OR1L8: variants seen among roughly 807,000 people sequenced by gnomAD.
The protein encoded by OR1L8 is olfactory receptor family 1 subfamily L member 8.
For missense variants in OR1L8, 330 were observed against 377.4 expected (o/e 0.87, Z 1.04); for synonymous variants, 148 against 147.0 (o/e 1.01, Z -0.05).
intron 3 of OR1L8, among the ~76,000 whole-genome samples, chr9:122,573,756 A>G (rs1360049678): frequency 6.6e-6 from 1 of 152,156 alleles, no homozygotes; most frequent in Admixed American, 6.5e-5. Flanking sequence ...AATGAAGTCC[A>G]GCTTATGAAT....
At chr9:122,554,561 T>G in the OR1L8 span, among the ~76,000 whole-genome samples, 1 of 152,206 alleles carries the variant, frequency 6.6e-6, no homozygotes, top group South Asian at 2.1e-4. Flanking sequence ...ATGTTCCTCA[T>G]TATTCCTTAC....
At chr9:122,561,877 T>C in the OR1L8 span, among the ~76,000 whole-genome samples, 4 of 152,186 alleles carry the variant, frequency 2.6e-5, no homozygotes, top group African/African-American at 7.2e-5. Context: ...GGAGGGGGTA[T>C]GCTGTGCTGG....
chr9:122,566,353 T>TAAAG (rs1829426062), downstream of OR1L8, among the ~76,000 whole-genome samples: 1 of 152,208 alleles, frequency 6.6e-6, no homozygotes, highest in Non-Finnish European at 1.5e-5. Context: ...CAACTGTGTA[T>TAAAG]AAAGATGAGG....
chr9:122,567,449 G>C lies in OR1L8; in HGVS notation c.*99C>G. The stretch of plus-strand genomic sequence containing the variant: ...TAGCCTTGTCTCACATGGGTCAGAA[G>C]TGCTAGCTTCCAACAGCTTTGACTG... On this transcript the variant is annotated 3_prime_UTR_variant, in exon 5 of 5. Coordinates refer to ENST00000641027, the MANE Select transcript of OR1L8 (RefSeq NM_001004454.2). 1 of 874,132 alleles carries C rather than the reference G, an allele frequency of 1.1e-6. No homozygotes were observed. Among genetic ancestry groups the C allele is most frequent in the Non-Finnish European group, 1.8e-6 (1 of 561,370 alleles). 54.1% of individuals were successfully genotyped at this position (874,132 alleles called of 1,614,324 possible). A position where few individuals can be genotyped will look rare whatever the true frequency, so the allele number is the denominator to read the frequency against.
At chr9:122,574,285 C>G (rs79690868) in intron 3 of OR1L8, among the ~76,000 whole-genome samples, 1 of 152,070 alleles carries the variant, frequency 6.6e-6, no homozygotes, top group East Asian at 1.9e-4. Context: ...AATTTATACA[C>G]CGAATTCAGG....
the OR1L8 span, among the ~76,000 whole-genome samples, chr9:122,557,421 G>A: frequency 1.3e-5 from 2 of 151,934 alleles, no homozygotes; most frequent in African/African-American, 4.8e-5. Flanking sequence ...TCATAAATGA[G>A]TGTTGGATTT....
downstream of OR1L8, among the ~76,000 whole-genome samples, chr9:122,566,696 C>A (rs1829431727): frequency 6.6e-6 from 1 of 152,138 alleles, no homozygotes; most frequent in African/African-American, 2.4e-5. Flanking sequence ...ATACATATAT[C>A]TCACAATATT....
chr9:122,580,161 TCTG>T (rs937789991), intron 1 of OR1L8, among the ~76,000 whole-genome samples: 9 of 151,798 alleles, frequency 5.9e-5, no homozygotes, highest in African/African-American at 2.2e-4. Flanking sequence ...ACAATGAAAA[TCTG>T]CTGCAGAAAA....
chr9:122,577,824 C>A (rs1056165774), intron 2 of OR1L8, among the ~76,000 whole-genome samples: 3 of 152,124 alleles, frequency 2.0e-5, no homozygotes, highest in African/African-American at 7.2e-5. Context: ...TTACATTAAG[C>A]CATGTACATT....
At chr9:122,551,331 T>G in the OR1L8 span, among the ~76,000 whole-genome samples, 5 of 152,184 alleles carry the variant, frequency 3.3e-5, no homozygotes, top group Admixed American at 1.3e-4. Context: ...ACAGTAGATA[T>G]AAGTAGCTTT....
At chr9:122,560,778 C>T in the OR1L8 span, among the ~76,000 whole-genome samples, 1 of 152,096 alleles carries the variant, frequency 6.6e-6, no homozygotes, top group Non-Finnish European at 1.5e-5. Context: ...TTCATTTCGA[C>T]CTTGGAGAAT....
At chr9:122,578,042 GTAAATTAGTACAACCAC>G (rs1829687132) in intron 2 of OR1L8, among the ~76,000 whole-genome samples, 2 of 152,182 alleles carry the variant, frequency 1.3e-5, no homozygotes, top group South Asian at 4.1e-4. Context: ...TGGTGAGAAT[GTAAATTAGTACAACCAC>G]TATGGAAAAC....
chr9:122,554,746 G>T, the OR1L8 span, among the ~76,000 whole-genome samples: 1 of 152,074 alleles, frequency 6.6e-6, no homozygotes, highest in Non-Finnish European at 1.5e-5. Flanking sequence ...AGGAGAAAAA[G>T]AATTAATATA....
downstream of OR1L8, among the ~76,000 whole-genome samples, chr9:122,566,058 C>T (rs368272008): frequency 7.7e-4 from 117 of 152,132 alleles, no homozygotes; most frequent in African/African-American, 2.8e-3. Flanking sequence ...AGGGTGACCT[C>T]TTATTTATCA....
At chr9:122,578,298 A>G (rs1010972053) in intron 2 of OR1L8, 26 bp downstream of exon 2, 1 of 152,180 alleles carries the variant, frequency 6.6e-6, no homozygotes, top group Admixed American at 6.5e-5. Flanking sequence ...AAAATACAAA[A>G]ATTAGCTGGT....
At chr9:122,547,661 A>AGTGTG in the OR1L8 span, among the ~76,000 whole-genome samples, 6 of 135,964 alleles carry the variant, frequency 4.4e-5, no homozygotes, top group African/African-American at 1.6e-4. Context: ...GTGTGTGTAC[A>AGTGTG]TACACACTAC....
chr9:122,554,144 A>G, the OR1L8 span: 2 of 1,611,440 alleles, frequency 1.2e-6, no homozygotes, highest in East Asian at 4.5e-5. Context: ...TTGTCAGTGG[A>G]AAAACATTCT....
the OR1L8 span, chr9:122,553,137 C>T: frequency 5.3e-6 from 8 of 1,510,180 alleles, no homozygotes; most frequent in Non-Finnish European, 7.2e-6. Flanking sequence ...AGATGCATAT[C>T]TGTAAATTGA....
At chr9:122,581,181 C>G (rs946112749) in intron 1 of OR1L8, among the ~76,000 whole-genome samples, 4 of 151,900 alleles carry the variant, frequency 2.6e-5, no homozygotes, top group African/African-American at 9.7e-5. Flanking sequence ...TCCTGGCCAA[C>G]ACACTGAAAC....
Sources: gnomAD v4.1 joint callset for allele counts (sites outside exome capture counted in the v4.1 genomes callset) on GRCh38, gnomAD v4.1.1 for gene constraint, MANE v1.5 for transcripts, NCBI Gene and HGNC (gene_info 2026-07-23, HGNC 2026-07-21) for gene names.